NBPF12: variants seen among roughly 807,000 people sequenced by gnomAD.
NBPF12 encodes NBPF family member NBPF12.
In NBPF12, 115 loss-of-function variants were observed where a neutral mutation model predicts 146.4. The observed-to-expected ratio is 0.79, with a 90% confidence interval of 0.68 to 0.92. NBPF12 has a LOEUF of 0.92. NBPF12 is among the 40% of genes least tolerant of loss of function. NBPF12 has a pLI of 0.00. For synonymous variants in NBPF12, 385 were observed against 508.9 expected (o/e 0.76, Z 3.28); for missense variants, 1,205 against 1,326.8 (o/e 0.91, Z 1.43).
rs1658373608 is a variant in NBPF12 at position 146,994,193 on chromosome 1, G to C, written c.4131-139G>C. ...TGGCCCTGTTCTATCCCAACATAAA[G>C]GCAATAATTTGTTACCTCATTAATG... On this transcript the variant is annotated intron_variant, in intron 33 of 33. Transcript: ENST00000617844. 8.4e-6 allele frequency: 13 copies of C among 1,544,604 alleles called. 1 individual carries two copies. The Middle Eastern group carries it at 1.6e-3, about 195-fold the overall frequency.
chr1:146,972,168 G>T (rs1412304933), intron 13 of NBPF12, among the ~76,000 whole-genome samples: 2 of 150,804 alleles, frequency 1.3e-5, no homozygotes, highest in Non-Finnish European at 2.9e-5. Flanking sequence ...GCGGAGGTAG[G>T]TGGAACACCT....
rs1422569238 is a variant in NBPF12, at chr1:146,960,348, G to A, written c.175+30G>A. Reference sequence around the variant, plus strand: ...GATCTATAGGCTCACCATCATGAAAGTGATGAATGATGTCCTGTCTTCTCT... The same window carrying A: ...GATCTATAGGCTCACCATCATGAAAATGATGAATGATGTCCTGTCTTCTCT... On this transcript the variant is annotated intron_variant, in intron 4 of 33. Transcript: ENST00000617844. The A allele has an allele frequency of 4.1e-6, 6 of 1,477,108 alleles. No individual in the cohort carries two copies. In the Admixed American group the frequency reaches 8.4e-5, roughly 21 times the overall value. 91.5% of individuals were successfully genotyped at this position (1,477,108 alleles called of 1,614,324 possible). A position where few individuals can be genotyped will look rare whatever the true frequency, so the allele number is the denominator to read the frequency against.
chr1:146,955,042 G>A (rs1655523514), intron 2 of NBPF12, among the ~76,000 whole-genome samples: 1 of 88,404 alleles, frequency 1.1e-5, no homozygotes, highest in African/African-American at 4.2e-5. Context: ...ATATATTGCA[G>A]TCTGATAAGA....
chr1:146,978,058 A>C (rs1468558249), intron 18 of NBPF12, among the ~76,000 whole-genome samples: 8 of 151,454 alleles, frequency 5.3e-5, no homozygotes, highest in Non-Finnish European at 8.8e-5. Context: ...ATTTGGAAAC[A>C]TTGTTCCCCA....
upstream of NBPF12, among the ~76,000 whole-genome samples, chr1:146,938,374 G>T (rs1553882328): frequency 9.3e-3 from 1,413 of 152,042 alleles, 32 homozygotes; most frequent in African/African-American, 0.032. Context: ...CAGTCCTAAA[G>T]GCGGGGTCGC....
At chr1:146,951,069 CCT>C (rs1203231697) in intron 1 of NBPF12, among the ~76,000 whole-genome samples, 2 of 151,426 alleles carry the variant, frequency 1.3e-5, no homozygotes, top group African/African-American at 4.9e-5. Flanking sequence ...TCCAAAGAGG[CCT>C]CTCTATATAC....
At chr1:146,939,220 G>A (rs1654679986) in intron 1 of NBPF12, among the ~76,000 whole-genome samples, 1 of 152,046 alleles carries the variant, frequency 6.6e-6, no homozygotes, top group African/African-American at 2.4e-5. Context: ...GAAACTCCCT[G>A]GCGGGTGTTC....
At chr1:146,946,851 A>G (rs1355730220), upstream of NBPF12, among the ~76,000 whole-genome samples, 1 of 151,892 alleles carries the variant, frequency 6.6e-6, no homozygotes, top group Non-Finnish European at 1.5e-5. Context: ...TATTTTATAA[A>G]GGATATAACA....
chr1:146,992,462 CTGTGTGTG>C (rs1163182082), intron 31 of NBPF12, among the ~76,000 whole-genome samples: 1,440 of 65,612 alleles, frequency 0.022, 18 homozygotes, highest in South Asian at 0.061. Flanking sequence ...CTCTCTCTCT[CTGTGTGTG>C]TGTGTGTGTG....
exon 22 of NBPF12, chr1:146,984,918 C>G (rs1657657682): frequency 6.3e-7 from 1 of 1,591,206 alleles, no homozygotes; most frequent in African/African-American, 1.4e-5. Flanking sequence ...CTGACTCATG[C>G]CAGCCCTACA....
At chr1:146,953,253 T>G (rs1274013596) in intron 2 of NBPF12, among the ~76,000 whole-genome samples, 1 of 134,960 alleles carries the variant, frequency 7.4e-6, no homozygotes, top group Non-Finnish European at 1.6e-5. Context: ...TGGGATGTAA[T>G]GGATGGGAAA....
At chr1:146,943,010 C>T (rs1654874372) in intron 1 of NBPF12, among the ~76,000 whole-genome samples, 1 of 138,668 alleles carries the variant, frequency 7.2e-6, no homozygotes, top group Admixed American at 7.9e-5. Flanking sequence ...AGGAATCCTC[C>T]TGCCTCAGCC....
At chr1:146,986,062 C>T (rs1366010171) in intron 23 of NBPF12, among the ~76,000 whole-genome samples, 56 of 152,008 alleles carry the variant, frequency 3.7e-4, no homozygotes, top group South Asian at 4.1e-4. Flanking sequence ...CTGTGTGTCC[C>T]GAGGGCACTA....
At chr1:146,981,354 G>A (rs1325215174) in intron 19 of NBPF12, among the ~76,000 whole-genome samples, 1 of 142,646 alleles carries the variant, frequency 7.0e-6, no homozygotes, top group African/African-American at 2.6e-5. Flanking sequence ...CTATACATAT[G>A]GAAAAAAAAA....
At chr1:146,972,267 G>A (rs1321482537) in intron 13 of NBPF12, among the ~76,000 whole-genome samples, 5 of 150,844 alleles carry the variant, frequency 3.3e-5, no homozygotes, top group South Asian at 2.1e-4. Flanking sequence ...GTTACTTGGC[G>A]CTTGTAATCC....
chr1:146,971,970 C>T (rs1656660297), intron 13 of NBPF12, among the ~76,000 whole-genome samples: 1 of 149,474 alleles, frequency 6.7e-6, no homozygotes, highest in African/African-American at 2.5e-5. Context: ...TGCCTGTAGT[C>T]TCAGCTACTT....
chr1:146,973,339 A>T (rs1479910286), intron 14 of NBPF12, among the ~76,000 whole-genome samples: 4 of 151,616 alleles, frequency 2.6e-5, no homozygotes, highest in Non-Finnish European at 5.9e-5. Flanking sequence ...GTGAACTTTT[A>T]TTCAGTTCAA....
At chr1:146,961,992 T>C (rs1458940676) in intron 4 of NBPF12, among the ~76,000 whole-genome samples, 169 bp from the exon 8 acceptor site, 10 of 152,058 alleles carry the variant, frequency 6.6e-5, no homozygotes, top group Admixed American at 5.9e-4. Flanking sequence ...GAGGATCAGA[T>C]GCCAGAAAGT....
chr1:146,951,299 A>G, intron 1 of NBPF12, 49 bp from the exon 5 acceptor site: 3 of 691,996 alleles, frequency 4.3e-6, no homozygotes, highest in Non-Finnish European at 7.7e-6. Flanking sequence ...TCATTGGTAA[A>G]ACCTTTTCCT....
Sources: allele counts gnomAD v4.1 joint callset (sites outside exome capture counted in the v4.1 genomes callset), GRCh38; gene constraint gnomAD v4.1.1; transcripts MANE v1.5; gene names NCBI Gene and HGNC (gene_info 2026-07-23, HGNC 2026-07-21).